The following ZMYND11 variants were observed in gnomAD, a reference collection of about 807,000 sequenced individuals.
ZMYND11 encodes zinc finger MYND domain-containing protein 11.
Under a neutral mutation model 84.9 loss-of-function variants are expected in ZMYND11, and 9 were observed. That is an observed-to-expected ratio of 0.11 (90% CI 0.06 to 0.18). The LOEUF (loss-of-function observed/expected upper bound fraction) is 0.18. Ranked by LOEUF, ZMYND11 falls within the 10% of genes least tolerant of loss-of-function variation. The pLI is 1.00. For missense variants in ZMYND11, 409 were observed against 761.0 expected (o/e 0.54, Z 5.44); for synonymous variants, 250 against 244.1 (o/e 1.02, Z -0.23).
intron 1 of ZMYND11, among the ~76,000 whole-genome samples, chr10:179,050 T>G (rs530594910): frequency 1.3e-5 from 2 of 152,156 alleles, no homozygotes; most frequent in African/African-American, 4.8e-5. Context: ...AGGCTTAATG[T>G]TCACTGTATA....
intron 2 of ZMYND11, among the ~76,000 whole-genome samples, chr10:199,372 CG>C (rs1329947443): frequency 1.4e-5 from 2 of 142,806 alleles, no homozygotes; most frequent in Non-Finnish European, 1.5e-5. Context: ...TATGCATGTA[CG>C]TATGTATATG....
At chr10:239,939 A>G in intron 7 of ZMYND11, 117 bp from the exon 8 acceptor site, 3 of 757,080 alleles carry the variant, frequency 4.0e-6, no homozygotes, top group Admixed American at 5.7e-5. Context: ...TTTTAAATGG[A>G]CATTTTGGTT....
intron 4 of ZMYND11, among the ~76,000 whole-genome samples, chr10:222,959 A>G (rs1265376579): frequency 6.6e-6 from 1 of 152,112 alleles, no homozygotes; most frequent in Non-Finnish European, 1.5e-5. Flanking sequence ...ATACCTTTGA[A>G]GAAAATGTTT....
chr10:250,139 A>G (rs962212404), intron 14 of ZMYND11, among the ~76,000 whole-genome samples: 3 of 152,228 alleles, frequency 2.0e-5, no homozygotes, highest in Non-Finnish European at 2.9e-5. Flanking sequence ...GGAGCTGACA[A>G]GCTCTGACTG....
At chr10:205,094 G>A (rs1313127400) in intron 2 of ZMYND11, among the ~76,000 whole-genome samples, 1 of 152,042 alleles carries the variant, frequency 6.6e-6, no homozygotes, top group Non-Finnish European at 1.5e-5. Context: ...AGTAACTTAC[G>A]AATATGTCTG....
intron 3 of ZMYND11, among the ~76,000 whole-genome samples, chr10:220,275 C>G (rs982156343): frequency 1.3e-5 from 2 of 151,978 alleles, no homozygotes; most frequent in African/African-American, 2.4e-5. Flanking sequence ...TGGACTTTAC[C>G]CTTGTTCATT....
chr10:180,076 A>G lies in ZMYND11; in HGVS notation c.64A>G (p.Ile22Val), dbSNP rs770433426. The G allele has an allele frequency of 8.7e-6, 14 of 1,613,764 alleles. No individual in the cohort carries two copies. The highest frequency in any genetic ancestry group is 1.2e-5 in the Non-Finnish European group (14 of 1,179,824). ...TKAIQHLWAAIEIIRNQKQIA... is the reference protein window; with the variant it reads ...TKAIQHLWAAVEIIRNQKQIA... Reference sequence around the variant, plus strand: ...AGCTATCCAGCATCTTTGGGCAGCCATTGAGATTATACGGAACCAGAAGCA... The same window carrying G: ...AGCTATCCAGCATCTTTGGGCAGCCGTTGAGATTATACGGAACCAGAAGCA... Residue 22 changes from isoleucine (I) to valine (V), a missense_variant, in exon 2 of 15, where the codon ATT becomes GTT. Coordinates refer to ENST00000381604, the MANE Select transcript of ZMYND11 (RefSeq NM_001370100.5).
intron 3 of ZMYND11, among the ~76,000 whole-genome samples, chr10:220,924 A>G (rs1348948595): frequency 1.3e-5 from 2 of 152,218 alleles, no homozygotes; most frequent in Non-Finnish European, 2.9e-5. Flanking sequence ...ATAACATTAG[A>G]ACTGGAGTTG....
chr10:139,013 C>T (rs1297144885), intron 1 of ZMYND11, among the ~76,000 whole-genome samples: 43 of 151,788 alleles, frequency 2.8e-4, no homozygotes, highest in African/African-American at 9.9e-4. Flanking sequence ...TTCTATTTCA[C>T]CATGCCGGTC....
Position 154,671 on chromosome 10 carries a change from G to A in ZMYND11, c.-20+19112G>A, listed in dbSNP as rs189470456. On this transcript the variant is annotated intron_variant, in intron 1 of 14. Transcript: ENST00000381604. Reference sequence around the variant, plus strand: ...ACATAACCTGCAAATAATGAGAATCGATGTAGGTAAAATAGCTACAGCTTT... The same window carrying A: ...ACATAACCTGCAAATAATGAGAATCAATGTAGGTAAAATAGCTACAGCTTT... 3.0e-3 allele frequency among the ~76,000 whole-genome samples: 463 copies of A among 152,208 alleles called. 7 individuals carry two copies. Among genetic ancestry groups the A allele is most frequent in the Non-Finnish European group, 2.7e-3 (181 of 68,006 alleles).
rs903222987 is a variant in ZMYND11, at chr10:238,599, G to A, written c.610-839G>A. Among the ~76,000 whole-genome samples, 121 of 152,174 alleles carry A rather than the reference G, an allele frequency of 8.0e-4. 1 individual carries two copies. In the Middle Eastern group the frequency reaches 0.01, roughly 13 times the overall value. On this transcript the variant is annotated intron_variant, in intron 6 of 14. Transcript: ENST00000381604. ...TCTCGATCTCCTGACCTCGTGATCT[G>A]CCCGCCTCGGCCTCCCAAAGTGCTG...
intron 2 of ZMYND11, among the ~76,000 whole-genome samples, chr10:206,131 G>A (rs1386999069): frequency 2.6e-5 from 4 of 151,880 alleles, no homozygotes; most frequent in African/African-American, 4.8e-5. Flanking sequence ...AGGCCGAGGC[G>A]GGTGGATCAC....
At chr10:159,480 C>T (rs1842510441) in intron 1 of ZMYND11, among the ~76,000 whole-genome samples, 1 of 152,096 alleles carries the variant, frequency 6.6e-6, no homozygotes, top group Non-Finnish European at 1.5e-5. Flanking sequence ...AATTGCTCTG[C>T]TCTAATGATG....
At chr10:222,372 A>G (rs1488973150) in intron 4 of ZMYND11, among the ~76,000 whole-genome samples, 1 of 152,312 alleles carries the variant, frequency 6.6e-6, no homozygotes, top group South Asian at 2.1e-4. Context: ...CTCATTAGGC[A>G]TACAACAGGC....
In ZMYND11 at chr10:254,155, G is replaced by C. The variant is rs1211490838; in HGVS notation, c.*1685G>C. On this transcript the variant is annotated 3_prime_UTR_variant, in exon 15 of 15. Coordinates refer to ENST00000381604, the MANE Select transcript of ZMYND11 (RefSeq NM_001370100.5). ...GAACCGAGAACACTTAACCTTCTTT[G>C]ATTGTTTTTCAAGTTTTAAGACTTC... is the stretch of plus-strand genomic sequence containing the variant. 1 of 152,576 alleles carries C rather than the reference G, an allele frequency of 6.6e-6. No individual in the cohort carries two copies. The highest frequency in any genetic ancestry group is 2.4e-5 in the African/African-American group (1 of 41,424). 9.5% of individuals were successfully genotyped at this position (152,576 alleles called of 1,614,324 possible). A position where few individuals can be genotyped will look rare whatever the true frequency, so the allele number is the denominator to read the frequency against.
chr10:151,952 A>G (rs1840474238), intron 1 of ZMYND11, among the ~76,000 whole-genome samples: 1 of 152,212 alleles, frequency 6.6e-6, no homozygotes, highest in Non-Finnish European at 1.5e-5. Flanking sequence ...AGAATTTCAT[A>G]TCCAGCCAAA....
chr10:238,176 T>C (rs1950288820), intron 6 of ZMYND11, among the ~76,000 whole-genome samples: 2 of 152,224 alleles, frequency 1.3e-5, no homozygotes, highest in Admixed American at 1.3e-4. Context: ...TGTTAGTTTG[T>C]TCACGTCCAG....
chr10:246,137 A>G (rs1174460265), intron 10 of ZMYND11, among the ~76,000 whole-genome samples: 1 of 152,154 alleles, frequency 6.6e-6, no homozygotes, highest in African/African-American at 2.4e-5. Flanking sequence ...CTAGTTTTAG[A>G]TATGTATCGC....
chr10:156,154 G>A (rs1841666813), intron 1 of ZMYND11, among the ~76,000 whole-genome samples: 1 of 152,194 alleles, frequency 6.6e-6, no homozygotes, highest in South Asian at 2.1e-4. Context: ...CAGGGATGCT[G>A]CTGAACATCT....
Sources: allele counts gnomAD v4.1 joint callset (sites outside exome capture counted in the v4.1 genomes callset), GRCh38; gene constraint gnomAD v4.1.1; transcripts MANE v1.5; gene names NCBI Gene and HGNC (gene_info 2026-07-23, HGNC 2026-07-21).